The following RARRES1 variants were observed in gnomAD, a reference collection of about 807,000 sequenced individuals.
RARRES1 encodes retinoic acid receptor responder protein 1.
RARRES1 carries 34 observed loss-of-function variants against 30.6 expected under a neutral mutation model. That is an observed-to-expected ratio of 1.11 (90% CI 0.84 to 1.48). RARRES1 has a LOEUF of 1.48. Among genes scored for constraint, RARRES1 ranks in the 40% most tolerant of loss-of-function variants. RARRES1 has a pLI of 0.00. For missense variants in RARRES1, 373 were observed against 386.5 expected, an observed-to-expected ratio of 0.97 and a Z score of 0.29; for synonymous variants, 153 against 155.5, an observed-to-expected ratio of 0.98 and a Z score of 0.12.
At position 158,697,538 on chromosome 3, in the gene RARRES1, T is replaced by G; in HGVS notation, c.*140A>C. ...ACTGAGAAACAAAAAACCAACATCT[T>G]TGCATTTCTGAGTTTTTACTTGTAA... is the stretch of plus-strand genomic sequence containing the variant. On this transcript the variant is annotated 3_prime_UTR_variant, in exon 6 of 6. Coordinates refer to ENST00000237696, the MANE Select transcript of RARRES1 (RefSeq NM_206963.2). 1 of 931,756 alleles carries G rather than the reference T, an allele frequency of 1.1e-6. No homozygotes were observed. The highest frequency in any genetic ancestry group is 1.6e-6 in the Non-Finnish European group (1 of 635,280). The allele number at this position is 931,756 out of a possible 1,614,324, so 57.7% of individuals were successfully genotyped here.
intron 1 of RARRES1, among the ~76,000 whole-genome samples, chr3:158,728,388 C>T (rs1237051853): frequency 2.0e-5 from 3 of 152,164 alleles, no homozygotes; most frequent in Admixed American, 6.5e-5. Context: ...TACCTGCTCG[C>T]CCCTCAGGGT....
intron 3 of RARRES1, among the ~76,000 whole-genome samples, chr3:158,705,436 G>A (rs759096064): frequency 2.0e-5 from 3 of 149,546 alleles, no homozygotes; most frequent in Non-Finnish European, 4.5e-5. Flanking sequence ...AGTCTTGTTA[G>A]TTAAGAAGCT....
chr3:158,700,103 G>A (rs1196164143), intron 4 of RARRES1, among the ~76,000 whole-genome samples: 1 of 152,108 alleles, frequency 6.6e-6, no homozygotes, highest in African/African-American at 2.4e-5. Context: ...GGAGGCCAAA[G>A]TGGGAGGATC....
chr3:158,704,912 A>G lies in RARRES1; in HGVS notation c.551T>C (p.Ile184Thr), dbSNP rs756213840. 2 of 1,612,492 alleles carry G rather than the reference A, an allele frequency of 1.2e-6. No individual in the cohort carries two copies. Among genetic ancestry groups the G allele is most frequent in the South Asian group, 2.2e-5 (2 of 90,854 alleles). The part of the protein sequence containing the change: ...IVSIPDNHGH[I>T]DPSLRLIWDL... ...CCAGATGAGTCTCAGAGAGGGATCA[A>G]TATGTCCATGATTATCTGAGAGAGA... The change falls in exon 4 of 6, where the codon ATT (isoleucine) becomes ACT (threonine). Residue 184 changes from isoleucine to threonine, a missense_variant. Physicochemically the swap from Ile to Thr is moderately conservative, Grantham distance 89. Transcript: ENST00000237696.
intron 3 of RARRES1, among the ~76,000 whole-genome samples, chr3:158,706,792 C>T (rs762514756): frequency 5.3e-5 from 8 of 152,144 alleles, no homozygotes; most frequent in East Asian, 3.8e-4. Context: ...AAAGTGGGAA[C>T]GTTTTGGGTG....
At chr3:158,725,033 A>T (rs1357397785) in intron 1 of RARRES1, among the ~76,000 whole-genome samples, 1 of 152,146 alleles carries the variant, frequency 6.6e-6, no homozygotes, top group Non-Finnish European at 1.5e-5. Context: ...CACGTTGCCC[A>T]GGCTGGTCTT....
intron 1 of RARRES1, among the ~76,000 whole-genome samples, chr3:158,722,086 C>CAAAAAAAAAAAAAAAA (rs571829700): frequency 2.9e-5 from 2 of 68,746 alleles, no homozygotes; most frequent in Non-Finnish European, 5.8e-5. Context: ...GAATGAAACT[C>CAAAAAAAAAAAAAAAA]AAAAAAAAAA....
chr3:158,703,067 A>T (rs1425525286), intron 4 of RARRES1, among the ~76,000 whole-genome samples: 1 of 152,198 alleles, frequency 6.6e-6, no homozygotes, highest in African/African-American at 2.4e-5. Flanking sequence ...ATTGGTGCTT[A>T]TGATTAGTTC....
intron 1 of RARRES1, among the ~76,000 whole-genome samples, chr3:158,719,364 CG>C (rs765359378): frequency 6.6e-6 from 1 of 151,246 alleles, no homozygotes; most frequent in Non-Finnish European, 1.5e-5. Context: ...CTCCACCTCC[CG>C]GGTTCAAGCG....
At chr3:158,714,397 C>T (rs777991179) in intron 1 of RARRES1, among the ~76,000 whole-genome samples, 4 of 152,082 alleles carry the variant, frequency 2.6e-5, no homozygotes, top group Admixed American at 6.5e-5. Flanking sequence ...AAGATGAGAC[C>T]AGCAGGACAG....
intron 1 of RARRES1, among the ~76,000 whole-genome samples, chr3:158,720,853 AATCCAGT>A (rs1727491213): frequency 6.6e-6 from 1 of 152,208 alleles, no homozygotes; most frequent in Non-Finnish European, 1.5e-5. Context: ...GGCCCATTCT[AATCCAGT>A]ATGACCTCAT....
chr3:158,723,523 G>A lies in RARRES1; in HGVS notation c.276+8617C>T, dbSNP rs1727578768. Among the ~76,000 whole-genome samples the A allele has an allele frequency of 6.6e-6, 1 of 152,240 alleles. No individual in the cohort carries two copies. The highest frequency in any genetic ancestry group is 1.5e-5 in the Non-Finnish European group (1 of 68,040). ...TAAAGCAAATACAGTTTATGGAACAGAAGTCAGTTACCTTCTGATCAGGCC... is the reference window on the plus strand; with the variant it reads ...TAAAGCAAATACAGTTTATGGAACAAAAGTCAGTTACCTTCTGATCAGGCC... On this transcript the variant is annotated intron_variant, in intron 1 of 5. Coordinates refer to ENST00000237696, the MANE Select transcript of RARRES1 (RefSeq NM_206963.2). The surrounding 1 kb of genome is among the most constrained non-coding windows in gnomAD (Gnocchi z 4.4).
At chr3:158,710,562 G>C (rs1727087475) in intron 3 of RARRES1, among the ~76,000 whole-genome samples, 176 bp downstream of exon 3, 1 of 152,138 alleles carries the variant, frequency 6.6e-6, no homozygotes, top group African/African-American at 2.4e-5. Context: ...TGTTGGATTA[G>C]AGATGAAGAA....
intron 4 of RARRES1, among the ~76,000 whole-genome samples, chr3:158,702,305 T>C (rs1020201487): frequency 1.9e-4 from 29 of 152,204 alleles, no homozygotes; most frequent in Admixed American, 4.6e-4. Context: ...CCCAAAGTGC[T>C]GGGATTACAG....
At chr3:158,708,862 T>C (rs1053568480) in intron 3 of RARRES1, among the ~76,000 whole-genome samples, 6 of 152,170 alleles carry the variant, frequency 3.9e-5, no homozygotes, top group African/African-American at 1.4e-4. Flanking sequence ...TTTCACCGTG[T>C]TAGCCAGGAT....
At chr3:158,725,039 G>T (rs1455280166) in intron 1 of RARRES1, among the ~76,000 whole-genome samples, 1 of 152,126 alleles carries the variant, frequency 6.6e-6, no homozygotes. Flanking sequence ...GCCCAGGCTG[G>T]TCTTGAACTC....
intron 3 of RARRES1, among the ~76,000 whole-genome samples, chr3:158,708,839 A>G (rs1727017266): frequency 6.6e-6 from 1 of 151,918 alleles, no homozygotes; most frequent in Non-Finnish European, 1.5e-5. Flanking sequence ...GCTATTTTTC[A>G]GTAGAGATGG....
chr3:158,703,346 T>A (rs1331810271), intron 4 of RARRES1, among the ~76,000 whole-genome samples: 1 of 152,176 alleles, frequency 6.6e-6, no homozygotes, highest in African/African-American at 2.4e-5. Flanking sequence ...CTCTCTTTCA[T>A]GCAATTCCTA....
At position 158,732,180 on chromosome 3, in the gene RARRES1, G is replaced by C; in HGVS notation, c.236C>G (p.Ala79Gly). ...FFNFRSGSPS[A>G]LRVLAEVQEG... ...CTGCACCTCGGCCAGCACTCGTAGC[G>C]CGCTGGGCGAGCCGGACCGGAAGTT... Residue 79 changes from alanine to glycine, a missense_variant, in exon 1 of 6, where the codon GCG becomes GGG. Transcript: ENST00000237696. 2.1e-6 allele frequency: 3 copies of C among 1,416,344 alleles called. No homozygotes were observed. The highest frequency in any genetic ancestry group is 2.7e-6 in the Non-Finnish European group (3 of 1,091,538). The allele number at this position is 1,416,344 out of a possible 1,614,324, so 87.7% of individuals were successfully genotyped here. A position where few individuals can be genotyped will look rare whatever the true frequency, so the allele number is the denominator to read the frequency against.
Sources: gnomAD v4.1 joint callset for allele counts (sites outside exome capture counted in the v4.1 genomes callset) on GRCh38, gnomAD v4.1.1 for gene constraint, Gnocchi (gnomAD v3.1) non-coding constraint, MANE v1.5 for transcripts, NCBI Gene and HGNC (gene_info 2026-07-23, HGNC 2026-07-21) for gene names.